The following WDR7 variants were observed in gnomAD, a reference collection of about 807,000 sequenced individuals.
The protein encoded by WDR7 is WD repeat domain 7.
In WDR7, 46 loss-of-function variants were observed where a neutral mutation model predicts 169.4. The ratio of observed to expected loss-of-function variants is 0.27; its 90% CI spans 0.21 to 0.35. The LOEUF is 0.35. Ranked by LOEUF, WDR7 falls within the 10% of genes least tolerant of loss-of-function variation. The pLI, the probability that WDR7 is intolerant of heterozygous loss-of-function variation, is 1.00. For missense variants in WDR7, 1,534 were observed against 1,859.3 expected, an observed-to-expected ratio of 0.83 and a Z score of 3.22; for synonymous variants, 612 against 666.8, an observed-to-expected ratio of 0.92 and a Z score of 1.27.
Position 57,028,986 on chromosome 18 carries a change from G to A in WDR7, c.*1779G>A, listed in dbSNP as rs1677808077. 6.6e-6 allele frequency: 1 copy of A among 152,582 alleles called. No homozygotes were observed. Among genetic ancestry groups the A allele is most frequent in the African/African-American group, 2.4e-5 (1 of 41,438 alleles). The allele number at this position is 152,582 out of a possible 1,614,324, so 9.5% of individuals were successfully genotyped here. ...GTTTGGCATAGCTAGAGAAATGTAA[G>A]GTAAAAGGCTCACTTTGTTTTCCAG... On this transcript the variant is annotated 3_prime_UTR_variant, in exon 28 of 28. Coordinates refer to ENST00000254442, the MANE Select transcript of WDR7 (RefSeq NM_015285.3).
At chr18:56,743,177 A>T (rs1349109351) in intron 14 of WDR7, among the ~76,000 whole-genome samples, 1 of 152,204 alleles carries the variant, frequency 6.6e-6, no homozygotes, top group Non-Finnish European at 1.5e-5. Context: ...TATCGAATGT[A>T]AAAGCAGGTT....
intron 26 of WDR7, among the ~76,000 whole-genome samples, chr18:56,981,312 A>T (rs2047641407): frequency 6.6e-6 from 1 of 152,164 alleles, no homozygotes; most frequent in Non-Finnish European, 1.5e-5. Context: ...TTAATAGTTC[A>T]GTTTTTGATG....
chr18:56,881,608 A>G (rs2046109165), intron 21 of WDR7, among the ~76,000 whole-genome samples: 1 of 151,936 alleles, frequency 6.6e-6, no homozygotes, highest in South Asian at 2.1e-4. Context: ...CAATTTATTG[A>G]TTTATTTTAT....
intron 20 of WDR7, among the ~76,000 whole-genome samples, chr18:56,820,739 T>C (rs1185212831): frequency 6.6e-6 from 1 of 152,200 alleles, no homozygotes; most frequent in Non-Finnish European, 1.5e-5. Context: ...TGTCCTGTCT[T>C]ACAGTAAATT....
chr18:56,856,005 A>G (rs2045714741), intron 20 of WDR7, among the ~76,000 whole-genome samples: 1 of 152,124 alleles, frequency 6.6e-6, no homozygotes, highest in African/African-American at 2.4e-5. Context: ...CTATAAGAGA[A>G]GTCACTCTGG....
At chr18:56,889,659 C>T (rs1037561857) in intron 21 of WDR7, among the ~76,000 whole-genome samples, 1 of 152,108 alleles carries the variant, frequency 6.6e-6, no homozygotes, top group African/African-American at 2.4e-5. Context: ...ACTGAAACAC[C>T]TGTGTTCTAA....
intron 13 of WDR7, among the ~76,000 whole-genome samples, chr18:56,724,618 A>G (rs1164396307): frequency 6.6e-6 from 1 of 151,178 alleles, no homozygotes; most frequent in Non-Finnish European, 1.5e-5. Flanking sequence ...GTTGTGGGAC[A>G]CAGTTAAATT....
intron 14 of WDR7, among the ~76,000 whole-genome samples, chr18:56,746,477 G>C (rs1036161958): frequency 2.0e-5 from 3 of 152,118 alleles, no homozygotes; most frequent in Admixed American, 1.3e-4. Context: ...TTGGTTTTTA[G>C]TCTCCTTCAC....
intron 20 of WDR7, among the ~76,000 whole-genome samples, chr18:56,854,517 A>C (rs1032882038): frequency 6.6e-6 from 1 of 152,158 alleles, no homozygotes; most frequent in Non-Finnish European, 1.5e-5. Context: ...TCGGCCTTTT[A>C]TGGAGACTTC....
chr18:57,002,170 G>A (rs969624170), intron 26 of WDR7, among the ~76,000 whole-genome samples: 34 of 152,082 alleles, frequency 2.2e-4, no homozygotes, highest in Non-Finnish European at 5.9e-5. Flanking sequence ...TAATTTCATA[G>A]TGTCTATGAT....
intron 19 of WDR7, among the ~76,000 whole-genome samples, chr18:56,793,513 A>G (rs1369669987): frequency 1.3e-5 from 2 of 152,258 alleles, no homozygotes; most frequent in Non-Finnish European, 2.9e-5. Flanking sequence ...ATTTCTAGAA[A>G]GCACACTAGT....
chr18:56,987,038 C>A (rs1469836785), intron 26 of WDR7, among the ~76,000 whole-genome samples: 1 of 152,012 alleles, frequency 6.6e-6, no homozygotes, highest in Non-Finnish European at 1.5e-5. Context: ...ATTTAACAGC[C>A]ATAGTAAGTC....
At chr18:56,970,717 A>G (rs2047472209) in intron 26 of WDR7, among the ~76,000 whole-genome samples, 1 of 152,174 alleles carries the variant, frequency 6.6e-6, no homozygotes, top group Non-Finnish European at 1.5e-5. Context: ...CGTGTTGTGC[A>G]TTCTATGGGT....
At chr18:57,032,344 A>G (rs1037368449), downstream of WDR7, 1 of 152,244 alleles carries the variant, frequency 6.6e-6, no homozygotes, top group Admixed American at 6.5e-5. Context: ...AAGGAAACTG[A>G]ATATGTAGGT....
At chr18:56,803,511 A>G (rs1364613327) in intron 19 of WDR7, among the ~76,000 whole-genome samples, 2 of 152,158 alleles carry the variant, frequency 1.3e-5, no homozygotes, top group Non-Finnish European at 2.9e-5. Context: ...TATCTTATTT[A>G]TAAACATGTA....
At chr18:56,924,936 CCT>C (rs2046782717) in intron 22 of WDR7, among the ~76,000 whole-genome samples, 1 of 152,192 alleles carries the variant, frequency 6.6e-6, no homozygotes, top group Non-Finnish European at 1.5e-5. Context: ...GCAGTCCTCC[CCT>C]GTTACCACTT....
intron 25 of WDR7, among the ~76,000 whole-genome samples, chr18:56,954,731 A>G (rs975706199): frequency 6.6e-6 from 1 of 152,186 alleles, no homozygotes; most frequent in Non-Finnish European, 1.5e-5. Flanking sequence ...TATTAGAATA[A>G]TGCAAATGAA....
intron 20 of WDR7, among the ~76,000 whole-genome samples, chr18:56,827,154 G>A (rs2045220524): frequency 6.6e-6 from 1 of 152,190 alleles, no homozygotes; most frequent in African/African-American, 2.4e-5. Flanking sequence ...TGTGGAGGGA[G>A]TGAGAAGAAG....
chr18:56,841,098 C>T (rs2045478802), intron 20 of WDR7, among the ~76,000 whole-genome samples: 1 of 152,020 alleles, frequency 6.6e-6, no homozygotes, highest in South Asian at 2.1e-4. Flanking sequence ...GAGGCTGAGG[C>T]ATGAGAATCA....
Sources: gnomAD v4.1 joint callset for allele counts (sites outside exome capture counted in the v4.1 genomes callset) on GRCh38, gnomAD v4.1.1 for gene constraint, MANE v1.5 for transcripts, NCBI Gene and HGNC (gene_info 2026-07-23, HGNC 2026-07-21) for gene names.